Variants in EXOC6B observed in about 807,000 individuals in gnomAD.
EXOC6B encodes the protein SEC15 homolog B.
In EXOC6B, 54 loss-of-function variants were observed where a neutral mutation model predicts 113.5. That is an observed-to-expected ratio of 0.48 (90% CI 0.38 to 0.60). The LOEUF (loss-of-function observed/expected upper bound fraction) is 0.60. Ranked by LOEUF, EXOC6B falls within the 20% of genes least tolerant of loss-of-function variation. EXOC6B has a pLI of 0.00. For synonymous variants in EXOC6B, 357 were observed against 339.0 expected (o/e 1.05, Z -0.58); for missense variants, 797 against 977.5 (o/e 0.82, Z 2.46).
Position 72,308,205 on chromosome 2 carries a change from A to C in EXOC6B, c.2196+26742T>G, listed in dbSNP as rs139210297. ...TCCAAATAATCCTAAACCCTCCAGG[A>C]AATGCCCATGTGTCCACTGCATATG... On this transcript the variant is annotated intron_variant, in intron 20 of 21. Transcript: ENST00000272427. Among the ~76,000 whole-genome samples, 820 of 152,340 alleles carry C rather than the reference A, an allele frequency of 5.4e-3. 8 individuals are homozygous for C. Among genetic ancestry groups the C allele is most frequent in the African/African-American group, 0.018 (763 of 41,572 alleles).
chr2:72,564,429 C>T (rs988649802), intron 7 of EXOC6B, among the ~76,000 whole-genome samples: 3 of 152,156 alleles, frequency 2.0e-5, no homozygotes, highest in Non-Finnish European at 2.9e-5. Context: ...TTCTCCGTAT[C>T]GGTAAATGAA....
intron 6 of EXOC6B, among the ~76,000 whole-genome samples, chr2:72,704,670 C>T (rs1328420211): frequency 6.6e-6 from 1 of 151,994 alleles, no homozygotes; most frequent in Non-Finnish European, 1.5e-5. Flanking sequence ...CACAGAAATA[C>T]AAACTACCAT....
intron 20 of EXOC6B, among the ~76,000 whole-genome samples, chr2:72,187,658 C>T (rs942286306): frequency 1.2e-4 from 19 of 152,126 alleles, no homozygotes; most frequent in Admixed American, 3.3e-4. Context: ...TCTCTGTCCT[C>T]TCCTCTGCTC....
chr2:72,804,790 G>C (rs1179204485), intron 1 of EXOC6B, among the ~76,000 whole-genome samples: 1 of 151,868 alleles, frequency 6.6e-6, no homozygotes, highest in East Asian at 1.9e-4. Flanking sequence ...TAGAGACGGG[G>C]TTTCACCATG....
chr2:72,324,331 C>T (rs1200944536), intron 20 of EXOC6B, among the ~76,000 whole-genome samples: 1 of 152,182 alleles, frequency 6.6e-6, no homozygotes, highest in Non-Finnish European at 1.5e-5. Flanking sequence ...CAATTCCTTA[C>T]TTTCTGAGAA....
chr2:72,780,033 G>A (rs1175483561), intron 1 of EXOC6B, among the ~76,000 whole-genome samples: 1 of 152,060 alleles, frequency 6.6e-6, no homozygotes, highest in Non-Finnish European at 1.5e-5. Context: ...CAGATGCTTG[G>A]TATAACTTAA....
chr2:72,496,377 C>A (rs1246527845), intron 14 of EXOC6B, 77 bp downstream of exon 14: 4 of 818,156 alleles, frequency 4.9e-6, no homozygotes, highest in African/African-American at 3.4e-5. Flanking sequence ...GTAATGCTTT[C>A]AATCAAACTG....
At chr2:72,412,915 C>T (rs1027648512) in intron 18 of EXOC6B, among the ~76,000 whole-genome samples, 9 of 151,124 alleles carry the variant, frequency 6.0e-5, no homozygotes, top group Non-Finnish European at 4.4e-5. Context: ...CCTTTCCTTC[C>T]TTTCCTTTCC....
chr2:72,774,280 G>T (rs1192991262), intron 1 of EXOC6B, among the ~76,000 whole-genome samples: 1 of 152,170 alleles, frequency 6.6e-6, no homozygotes, highest in African/African-American at 2.4e-5. Flanking sequence ...TGCATATGTA[G>T]TCCAAATAAT....
chr2:72,777,230 C>T (rs763802291), intron 1 of EXOC6B, among the ~76,000 whole-genome samples: 6 of 151,994 alleles, frequency 3.9e-5, no homozygotes, highest in South Asian at 2.1e-4. Context: ...GGCAACAGAG[C>T]GAGACTCTGT....
intron 11 of EXOC6B, among the ~76,000 whole-genome samples, chr2:72,512,414 AGG>A (rs1255287601): frequency 2.3e-5 from 3 of 130,450 alleles, no homozygotes; most frequent in Non-Finnish European, 4.9e-5. Flanking sequence ...GAAGGAAGGA[AGG>A]AAGGAAGGAA....
At chr2:72,448,864 C>A (rs1696742723) in intron 18 of EXOC6B, among the ~76,000 whole-genome samples, 1 of 152,168 alleles carries the variant, frequency 6.6e-6, no homozygotes, top group Admixed American at 6.5e-5. Flanking sequence ...TTGGATGAGA[C>A]ACTATTACTG....
At chr2:72,512,401 A>G (rs1301506232) in intron 11 of EXOC6B, among the ~76,000 whole-genome samples, 1 of 133,480 alleles carries the variant, frequency 7.5e-6, no homozygotes, top group African/African-American at 3.1e-5. Flanking sequence ...GGAAGGAAGG[A>G]AGGAAGGAAG....
At chr2:72,412,707 T>C (rs1694257417) in intron 18 of EXOC6B, among the ~76,000 whole-genome samples, 1 of 152,200 alleles carries the variant, frequency 6.6e-6, no homozygotes, top group Admixed American at 6.5e-5. Context: ...TTCCCTAGGC[T>C]AAATAAATAA....
intron 20 of EXOC6B, among the ~76,000 whole-genome samples, chr2:72,215,997 C>CA (rs929648439): frequency 2.0e-5 from 3 of 151,896 alleles, no homozygotes; most frequent in African/African-American, 7.3e-5. Flanking sequence ...CAAACCAAAA[C>CA]AAAAAACCCT....
chr2:72,820,930 A>T (rs1260457718), intron 1 of EXOC6B, among the ~76,000 whole-genome samples: 1 of 152,102 alleles, frequency 6.6e-6, no homozygotes, highest in African/African-American at 2.4e-5. Context: ...GCATTACGCA[A>T]AAGTTTCCTA....
chr2:72,449,654 C>A (rs1256583233), intron 18 of EXOC6B, among the ~76,000 whole-genome samples: 1 of 152,108 alleles, frequency 6.6e-6, no homozygotes, highest in Non-Finnish European at 1.5e-5. Flanking sequence ...AGGCCTTGAT[C>A]TAAAATTGTC....
chr2:72,205,226 C>T (rs1447044538), intron 20 of EXOC6B, among the ~76,000 whole-genome samples: 1 of 152,142 alleles, frequency 6.6e-6, no homozygotes, highest in African/African-American at 2.4e-5. Flanking sequence ...GAAGCCCCAA[C>T]ATCTGGGACA....
At chr2:72,543,508 G>A (rs1424689846) in intron 8 of EXOC6B, among the ~76,000 whole-genome samples, 3 of 152,088 alleles carry the variant, frequency 2.0e-5, no homozygotes, top group African/African-American at 7.3e-5. Context: ...ATGAATGCAA[G>A]CATGTCTAGA....
Sources: allele counts gnomAD v4.1 joint callset (sites outside exome capture counted in the v4.1 genomes callset), GRCh38; gene constraint gnomAD v4.1.1; transcripts MANE v1.5; gene names NCBI Gene and HGNC (gene_info 2026-07-23, HGNC 2026-07-21).